The following PHF20 variants were observed in gnomAD, a reference collection of about 807,000 sequenced individuals.
PHF20 encodes PHD finger protein 20.
A neutral mutation model predicts 113.5 loss-of-function variants in PHF20; 23 were observed. The ratio of observed to expected loss-of-function variants is 0.20; its 90% CI spans 0.15 to 0.29. The LOEUF is 0.29. PHF20 is among the 10% of genes least tolerant of loss of function. PHF20 has a pLI of 1.00. For synonymous variants in PHF20, 434 were observed against 457.3 expected (o/e 0.95, Z 0.65); for missense variants, 943 against 1,219.6 (o/e 0.77, Z 3.38).
At chr20:35,890,776 G>A (rs755957749) in intron 9 of PHF20, among the ~76,000 whole-genome samples, 3 of 152,120 alleles carry the variant, frequency 2.0e-5, no homozygotes, top group Non-Finnish European at 1.5e-5. Flanking sequence ...CTAGCTACTC[G>A]GGAGGCTGAG....
chr20:35,810,981 CTG>C (rs1228964348), intron 2 of PHF20, among the ~76,000 whole-genome samples: 2 of 152,010 alleles, frequency 1.3e-5, no homozygotes, highest in Non-Finnish European at 2.9e-5. Flanking sequence ...CTGTGTCTCT[CTG>C]TGTGTGTATG....
At chr20:35,839,003 A>G (rs528191801) in intron 2 of PHF20, among the ~76,000 whole-genome samples, 1 of 151,844 alleles carries the variant, frequency 6.6e-6, no homozygotes, top group African/African-American at 2.4e-5. Context: ...CAAAAAAAAA[A>G]AAAAAAAGTG....
At chr20:35,907,364 C>T (rs1435994983) in intron 10 of PHF20, among the ~76,000 whole-genome samples, 1 of 152,200 alleles carries the variant, frequency 6.6e-6, no homozygotes, top group Non-Finnish European at 1.5e-5. Context: ...AGGTGACAAG[C>T]TGCTCTCTGA....
chr20:35,878,662 A>C, intron 9 of PHF20: 1 of 789,090 alleles, frequency 1.3e-6, no homozygotes, highest in East Asian at 2.4e-5. Flanking sequence ...TGGCAGCCCA[A>C]GGCTTTGTTG....
intron 1 of PHF20, among the ~76,000 whole-genome samples, chr20:35,783,592 T>C (rs1253413157): frequency 2.0e-5 from 3 of 151,890 alleles, no homozygotes; most frequent in Admixed American, 6.6e-5. Context: ...AATTTTTTTT[T>C]TTTTTTTATT....
intron 2 of PHF20, among the ~76,000 whole-genome samples, chr20:35,814,925 G>C (rs2042044915): frequency 6.6e-6 from 1 of 151,022 alleles, no homozygotes; most frequent in African/African-American, 2.4e-5. Flanking sequence ...GCCATGCATA[G>C]TAGCTCAAGC....
At chr20:35,920,410 C>A (rs1164858494) in intron 13 of PHF20, among the ~76,000 whole-genome samples, 2 of 152,180 alleles carry the variant, frequency 1.3e-5, no homozygotes, top group Non-Finnish European at 2.9e-5. Flanking sequence ...TAACTGGGTA[C>A]AGCTGAGTAG....
chr20:35,878,674 A>G (rs1600865065), intron 9 of PHF20: 3 of 789,306 alleles, frequency 3.8e-6, no homozygotes, highest in Non-Finnish European at 6.9e-6. Context: ...GCTTTGTTGT[A>G]GGAGCAATGA....
At chr20:35,828,892 G>A (rs913210865) in intron 2 of PHF20, among the ~76,000 whole-genome samples, 8 of 152,184 alleles carry the variant, frequency 5.3e-5, no homozygotes, top group Admixed American at 2.0e-4. Flanking sequence ...TTAGTGCTGT[G>A]TAACACATTT....
intron 2 of PHF20, among the ~76,000 whole-genome samples, chr20:35,841,492 C>G (rs1434942016): frequency 6.6e-6 from 1 of 152,050 alleles, no homozygotes; most frequent in East Asian, 1.9e-4. Context: ...TAGTATAAGG[C>G]TGGGCACGGT....
chr20:35,881,921 C>T (rs2054643232), intron 9 of PHF20, among the ~76,000 whole-genome samples: 6 of 152,362 alleles, frequency 3.9e-5, no homozygotes, highest in Admixed American at 2.6e-4. Flanking sequence ...TCTGCTGCAG[C>T]CACATGGCCT....
chr20:35,774,882 A>G (rs373384618), intron 1 of PHF20: 1 of 152,232 alleles, frequency 6.6e-6, no homozygotes, highest in Admixed American at 6.5e-5. Context: ...TTTCAGAACA[A>G]CTAAGCTGTT....
At chr20:35,936,349 G>A (rs2055863880) in intron 15 of PHF20, among the ~76,000 whole-genome samples, 2 of 152,212 alleles carry the variant, frequency 1.3e-5, no homozygotes, top group South Asian at 2.1e-4. Flanking sequence ...GCAGTGGTAT[G>A]GGATTGCTGG....
At chr20:35,873,899 T>G (rs2054471799) in intron 9 of PHF20, among the ~76,000 whole-genome samples, 1 of 152,252 alleles carries the variant, frequency 6.6e-6, no homozygotes, top group African/African-American at 2.4e-5. Context: ...AATGTTCCAT[T>G]AACCTCCCCC....
Position 35,880,364 on chromosome 20 carries a change from G to A in PHF20, c.1282+8535G>A, listed in dbSNP as rs140731156. Among the ~76,000 whole-genome samples the A allele has an allele frequency of 8.1e-4, 123 of 152,298 alleles. 1 individual carries two copies. The highest frequency in any genetic ancestry group is 6.8e-3 in the Middle Eastern group (2 of 294). ...GGTAATTGCAGACTTCCTGAAGTGG[G>A]TTAAGGTGGGGTAAGTTGCTGCCAA... On this transcript the variant is annotated intron_variant, in intron 9 of 17. Transcript: ENST00000374012.
chr20:35,937,963 C>G (rs2055897484), intron 15 of PHF20, among the ~76,000 whole-genome samples: 1 of 152,092 alleles, frequency 6.6e-6, no homozygotes, highest in Admixed American at 6.5e-5. Context: ...GCTCTGCCTC[C>G]TGGGTTCACG....
chr20:35,819,648 C>CTG (rs57252834), intron 2 of PHF20, among the ~76,000 whole-genome samples: 2,233 of 148,014 alleles, frequency 0.015, 30 homozygotes, highest in East Asian at 0.05. Flanking sequence ...CTTACACCAT[C>CTG]TGTGTGTGTG....
chr20:35,884,290 G>A (rs1457609530), intron 9 of PHF20, among the ~76,000 whole-genome samples: 2 of 152,204 alleles, frequency 1.3e-5, no homozygotes, highest in African/African-American at 2.4e-5. Context: ...ATAGTCTTGC[G>A]TTTTTAAACC....
rs756633614 is a variant in PHF20 at position 35,914,207 on chromosome 20, C to G, written c.1825+10C>G. On this transcript the variant is annotated intron_variant, in intron 12 of 17. Transcript: ENST00000374012. ...AAAGTGAAAGCATTGGGTAAGGAGGCTCTTCTGTCCTGATCATTTGCTGAT... is the reference window on the plus strand; with the variant it reads ...AAAGTGAAAGCATTGGGTAAGGAGGGTCTTCTGTCCTGATCATTTGCTGAT... 20 of 1,611,442 alleles carry G rather than the reference C, an allele frequency of 1.2e-5. No homozygotes were observed. In the East Asian group the frequency reaches 3.3e-4, roughly 27 times the overall value.
Sources: allele counts gnomAD v4.1 joint callset (sites outside exome capture counted in the v4.1 genomes callset), GRCh38; gene constraint gnomAD v4.1.1; transcripts MANE v1.5; gene names NCBI Gene and HGNC (gene_info 2026-07-23, HGNC 2026-07-21).